Variants in LIPG observed in about 807,000 individuals in gnomAD.
LIPG encodes the protein lipase G, endothelial type, also known as endothelial lipase.
In LIPG, 34 loss-of-function variants were observed where a neutral mutation model predicts 51.8. That is an observed-to-expected ratio of 0.66 (90% confidence interval 0.50 to 0.87). The LOEUF is 0.87. Ranked by LOEUF, LIPG falls within the 40% of genes least tolerant of loss-of-function variation. The probability of loss-of-function intolerance (pLI) is 0.00; values close to 1 mark genes in which losing one functional copy is unlikely to be tolerated. For synonymous variants in LIPG, 246 were observed against 246.1 expected (o/e 1.00, Z 0.00); for missense variants, 580 against 652.7 (o/e 0.89, Z 1.21).
rs769467930 is a variant in LIPG at position 49,597,736 on chromosome 18, G to T, written c.*7214G>T. The stretch of plus-strand genomic sequence containing the variant: ...TATCTCAGCCCAGACGAGTCTGCAC[G>T]CTATGTGGTTTAATACCTTCACCAG... On this transcript the variant is annotated 3_prime_UTR_variant, in exon 10 of 10. Coordinates refer to ENST00000261292, the MANE Select transcript of LIPG (RefSeq NM_006033.4). 1.3e-5 allele frequency: 2 copies of T among 152,232 alleles called. No individual in the cohort carries two copies. Among genetic ancestry groups the T allele is most frequent in the African/African-American group, 4.8e-5 (2 of 41,460 alleles). 9.4% of individuals were successfully genotyped at this position (152,232 alleles called of 1,614,324 possible).
intron 9 of LIPG, among the ~76,000 whole-genome samples, chr18:49,588,177 G>A (rs1387657605): frequency 6.6e-6 from 1 of 152,112 alleles, no homozygotes; most frequent in Non-Finnish European, 1.5e-5. Context: ...TGGCCACCAG[G>A]TCAGGTTTGG....
intron 3 of LIPG, among the ~76,000 whole-genome samples, 183 bp from the exon 4 acceptor site, chr18:49,569,254 C>A (rs1028286952): frequency 1.3e-5 from 2 of 152,190 alleles, no homozygotes; most frequent in Admixed American, 1.3e-4. Context: ...TTTTGGCCTC[C>A]CCTAAGCTGG....
intron 8 of LIPG, among the ~76,000 whole-genome samples, chr18:49,585,553 A>T (rs2084871792): frequency 6.6e-6 from 1 of 152,350 alleles, no homozygotes; most frequent in Non-Finnish European, 1.5e-5. Context: ...TTGCACAAAT[A>T]GTTTTGCCAT....
rs1169925989 is a variant in LIPG, at chr18:49,594,614, C to T, written c.*4092C>T. ...CCTTTAAATGATTAAATCCTGTAGT[C>T]AATTTTTAGTAATCTTAAATTGATC... On this transcript the variant is annotated 3_prime_UTR_variant, in exon 10 of 10. Coordinates refer to ENST00000261292, the MANE Select transcript of LIPG (RefSeq NM_006033.4). 5 of 152,186 alleles carry T rather than the reference C, an allele frequency of 3.3e-5. No homozygotes were observed. The highest frequency in any genetic ancestry group is 7.2e-5 in the African/African-American group (3 of 41,452). The allele number at this position is 152,186 out of a possible 1,614,324, so 9.4% of individuals were successfully genotyped here.
intron 5 of LIPG, among the ~76,000 whole-genome samples, chr18:49,579,763 CCTTT>C (rs1481285328): frequency 3.8e-5 from 5 of 130,344 alleles, no homozygotes; most frequent in East Asian, 2.1e-4. Context: ...CCTTTCCTTT[CCTTT>C]CTTTTCTTTT....
chr18:49,571,797 A>G (rs1022474868), intron 4 of LIPG, among the ~76,000 whole-genome samples: 2 of 152,174 alleles, frequency 1.3e-5, no homozygotes, highest in Non-Finnish European at 2.9e-5. Context: ...TTGCAAGGGT[A>G]TATCTGAACC....
rs1212987948 is a variant in LIPG at position 49,594,116 on chromosome 18, G to A, written c.*3594G>A. On this transcript the variant is annotated 3_prime_UTR_variant, in exon 10 of 10. Transcript: ENST00000261292. ...CTCCTGTCTAGCTGTAATCTTGTTT[G>A]TTTCGTTTGGTGTTTTTTGTTTTTT... 1 of 151,268 alleles carries A rather than the reference G, an allele frequency of 6.6e-6. No individual in the cohort carries two copies. Among genetic ancestry groups the A allele is most frequent in the Non-Finnish European group, 1.5e-5 (1 of 67,852 alleles). The allele number at this position is 151,268 out of a possible 1,614,324, so 9.4% of individuals were successfully genotyped here.
At position 49,586,778 on chromosome 18, in the gene LIPG, C is replaced by T; in HGVS notation, c.1409C>T (p.Thr470Ile). 1.2e-6 allele frequency: 2 copies of T among 1,614,092 alleles called. No homozygotes were observed. The highest frequency in any genetic ancestry group is 1.7e-6 in the Non-Finnish European group (2 of 1,179,974). Residue 470 changes from threonine to isoleucine, a missense_variant, in exon 9 of 10, where the codon ACC becomes ATC. Physicochemically the swap from Thr to Ile is moderately conservative, Grantham distance 89. Transcript: ENST00000261292. ...LTFCTEDPEN[T>I]SISPGRELWF... is the part of the protein sequence containing the mutation. ...TTTTGTACAGAAGACCCTGAGAACA[C>T]CAGCATATCCCCAGGCCGGGAGCTC...
At chr18:49,567,843 C>A in intron 3 of LIPG, 1 of 536,500 alleles carries the variant, frequency 1.9e-6, no homozygotes, top group East Asian at 3.3e-5. Flanking sequence ...TTTCCTGTTA[C>A]TTAATTTGCT....
intron 5 of LIPG, among the ~76,000 whole-genome samples, chr18:49,577,931 G>A (rs1339667823): frequency 2.2e-4 from 21 of 94,224 alleles, no homozygotes; most frequent in Non-Finnish European, 2.7e-4. Context: ...GGGCAGAGGC[G>A]CCCCTCACCT....
chr18:49,564,456 CTG>C (rs2084581825), intron 1 of LIPG, among the ~76,000 whole-genome samples: 2 of 152,224 alleles, frequency 1.3e-5, no homozygotes, highest in African/African-American at 4.8e-5. Flanking sequence ...CTAGGTGGCA[CTG>C]TGCATGAGCA....
chr18:49,580,994 C>G (rs2143966053), intron 5 of LIPG, among the ~76,000 whole-genome samples: 1 of 152,250 alleles, frequency 6.6e-6, no homozygotes, highest in South Asian at 2.1e-4. Context: ...TGCAGCGGCT[C>G]ACATCTGTAA....
Position 49,590,949 on chromosome 18 carries a change from C to A in LIPG, c.*427C>A. 3.4e-6 allele frequency: 1 copy of A among 294,646 alleles called. No homozygotes were observed. Among genetic ancestry groups the A allele is most frequent in the Admixed American group, 4.5e-5 (1 of 22,264 alleles). The allele number at this position is 294,646 out of a possible 1,614,324, so 18.3% of individuals were successfully genotyped here. On this transcript the variant is annotated 3_prime_UTR_variant, in exon 10 of 10. Transcript: ENST00000261292. ...CTTTGAGCCTCAGTGAGAAGTCCTT[C>A]CGACAGGAGCTGACTCATGTCAGGA...
At position 49,596,593 on chromosome 18, in the gene LIPG, G is replaced by T. The variant is rs753526807; in HGVS notation, c.*6071G>T. On this transcript the variant is annotated 3_prime_UTR_variant, in exon 10 of 10. Transcript: ENST00000261292. ...GAAGTTGCAGTGAGCCTAGATCACG[G>T]CACTACACTCCAGCCTGGGCAACAA... 1 of 133,372 alleles carries T rather than the reference G, an allele frequency of 7.5e-6. No homozygotes were observed. The highest frequency in any genetic ancestry group is 2.2e-4 in the East Asian group (1 of 4,618). 8.3% of individuals were successfully genotyped at this position (133,372 alleles called of 1,614,324 possible).
chr18:49,561,563 C>A (rs763097019), upstream of LIPG: 11 of 738,126 alleles, frequency 1.5e-5, no homozygotes, highest in Non-Finnish European at 1.9e-5. Context: ...CCTCGCTAGG[C>A]GGGAAGGGAG....
At position 49,565,380 on chromosome 18, in the gene LIPG, G is replaced by T. The variant is rs755353378; in HGVS notation, c.161G>T (p.Arg54Leu). The change falls in exon 2 of 10, where the codon CGC (arginine) becomes CTC (leucine). Residue 54 changes from arginine to leucine, a missense_variant. Transcript: ENST00000261292. ...EVKPSVRFNL[R>L]TSKDPEHEGC... is the part of the protein sequence containing the mutation. The stretch of plus-strand genomic sequence containing the variant: ...AAACCATCTGTGAGGTTTAACCTCC[G>T]CACCTCCAAGGACCCAGAGCATGAA... The T allele has an allele frequency of 1.2e-6, 2 of 1,614,154 alleles. No individual in the cohort carries two copies. The highest frequency in any genetic ancestry group is 2.2e-5 in the South Asian group (2 of 91,078).
chr18:49,590,529 C>T lies in LIPG; in HGVS notation c.*7C>T. ...CACTGTGGAGCTTCCCTGAGGGTGC[C>T]CGGGCAAGTCTTGCCAGCAAGGCAG... On this transcript the variant is annotated 3_prime_UTR_variant, in exon 10 of 10. Coordinates refer to ENST00000261292, the MANE Select transcript of LIPG (RefSeq NM_006033.4). The T allele has an allele frequency of 1.3e-6, 2 of 1,598,706 alleles. No individual in the cohort carries two copies. Among genetic ancestry groups the T allele is most frequent in the Non-Finnish European group, 8.5e-7 (1 of 1,171,060 alleles).
In LIPG at chr18:49,583,615, T is replaced by G; in HGVS notation, c.1217T>G (p.Leu406Trp). 1 of 1,614,166 alleles carries G rather than the reference T, an allele frequency of 6.2e-7. No homozygotes were observed. Among genetic ancestry groups the G allele is most frequent in the South Asian group, 1.1e-5 (1 of 91,082 alleles). ...TTCCTGGTCTACACCGAGGAGGACT[T>G]GGGAGACCTCTTGAAGATCCAGCTC... ...NTFLVYTEED[L>W]GDLLKIQLTW... The change falls in exon 8 of 10, where the codon TTG (leucine) becomes TGG (tryptophan). Residue 406 changes from leucine (L) to tryptophan (W), a missense_variant. By Grantham distance (61) the Leu-to-Trp change is moderately conservative (BLOSUM62 -2). Transcript: ENST00000261292.
At chr18:49,565,599 T>C in intron 2 of LIPG, 101 bp downstream of exon 2, 1 of 1,308,524 alleles carries the variant, frequency 7.6e-7, no homozygotes, top group South Asian at 1.2e-5. Flanking sequence ...CCAAACCCTC[T>C]TCCCCCCTTT....
Sources: gnomAD v4.1 joint callset for allele counts (sites outside exome capture counted in the v4.1 genomes callset) on GRCh38, gnomAD v4.1.1 for gene constraint, MANE v1.5 for transcripts, NCBI Gene and HGNC (gene_info 2026-07-23, HGNC 2026-07-21) for gene names.